The following LRGUK variants were observed in gnomAD, a reference collection of about 807,000 sequenced individuals.
LRGUK encodes the protein leucine rich repeats and guanylate kinase domain containing.
In LRGUK, 65 loss-of-function variants were observed where a neutral mutation model predicts 76.0. The ratio of observed to expected loss-of-function variants is 0.85; its 90% confidence interval spans 0.70 to 1.05. LRGUK has a LOEUF of 1.05. Among genes scored for constraint, LRGUK ranks in the 50% least tolerant of loss-of-function variants. The pLI is 0.00. For synonymous variants in LRGUK, 268 were observed against 265.6 expected (o/e 1.01, Z -0.09); for missense variants, 758 against 732.8 (o/e 1.03, Z -0.40).
In LRGUK at chr7:134,146,352, C is replaced by G. The variant is rs112171469; in HGVS notation, c.589-1886C>G. On this transcript the variant is annotated intron_variant, in intron 4 of 15. Coordinates refer to ENST00000645682, the Ensembl canonical transcript of LRGUK. Reference sequence around the variant, plus strand: ...TTGCCCTGACTGAGGTGTAGTTATACAGATGTCATACTATGGCACCAGAAT... The same window carrying G: ...TTGCCCTGACTGAGGTGTAGTTATAGAGATGTCATACTATGGCACCAGAAT... Among the ~76,000 whole-genome samples the G allele has an allele frequency of 8.6e-5, 13 of 151,958 alleles. 1 individual carries two copies. Among genetic ancestry groups the G allele is most frequent in the African/African-American group, 3.1e-4 (13 of 41,434 alleles).
At chr7:134,200,185 C>T (rs113493804) in intron 14 of LRGUK, among the ~76,000 whole-genome samples, 1,798 of 150,684 alleles carry the variant, frequency 0.012, 38 homozygotes, top group African/African-American at 0.041. Context: ...TACAGGTGCC[C>T]GCCACCACGC....
chr7:134,203,704 A>G (rs979096743), intron 15 of LRGUK, among the ~76,000 whole-genome samples: 1 of 152,158 alleles, frequency 6.6e-6, no homozygotes, highest in Non-Finnish European at 1.5e-5. Flanking sequence ...TCAGTCTACA[A>G]AGTGGGGATT....
chr7:134,184,690 G>A (rs993404201), intron 11 of LRGUK, among the ~76,000 whole-genome samples: 2 of 152,144 alleles, frequency 1.3e-5, no homozygotes, highest in Non-Finnish European at 2.9e-5. Context: ...CATTCATGCT[G>A]TTCCCCACCT....
chr7:134,164,530 A>C (rs1020119095), intron 7 of LRGUK, among the ~76,000 whole-genome samples: 2 of 152,210 alleles, frequency 1.3e-5, no homozygotes, highest in Non-Finnish European at 2.9e-5. Flanking sequence ...CAAACTTCTT[A>C]TGCTGTAAGG....
the LRGUK span, among the ~76,000 whole-genome samples, chr7:134,272,298 T>A: frequency 6.6e-6 from 1 of 152,222 alleles, no homozygotes; most frequent in Non-Finnish European, 1.5e-5. Context: ...ATTGTATTAT[T>A]CAAACCATTT....
chr7:134,252,374 A>AAATTAAATTT (rs1554477639), intron 18 of LRGUK, among the ~76,000 whole-genome samples: 2 of 150,930 alleles, frequency 1.3e-5, no homozygotes, highest in African/African-American at 4.9e-5. Flanking sequence ...AAATTAAATT[A>AAATTAAATTT]AATTAAAGGG....
chr7:134,155,626 G>A lies in LRGUK; in HGVS notation c.671-2409G>A, dbSNP rs569106098. 1.1e-4 allele frequency among the ~76,000 whole-genome samples: 17 copies of A among 152,280 alleles called. 1 individual carries two copies. In the South Asian group the frequency reaches 2.3e-3, roughly 20 times the overall value. On this transcript the variant is annotated intron_variant, in intron 5 of 15. Coordinates refer to ENST00000645682, the Ensembl canonical transcript of LRGUK. ...CTGTGCTATTGACCAAGAGGTAGAG[G>A]ACGTGCTTCCTTGGCCTCATGTAAT...
intron 3 of LRGUK, among the ~76,000 whole-genome samples, chr7:134,139,955 C>T (rs1797701501): frequency 6.6e-6 from 1 of 151,828 alleles, no homozygotes; most frequent in South Asian, 2.1e-4. Flanking sequence ...TTTTGAAAAT[C>T]TTATTTTTAA....
At chr7:134,236,849 A>C (rs1470430612) in intron 16 of LRGUK, among the ~76,000 whole-genome samples, 1 of 152,196 alleles carries the variant, frequency 6.6e-6, no homozygotes, top group Admixed American at 6.5e-5. Context: ...AGCTAGCAGA[A>C]GAAATTTCTT....
chr7:134,272,344 G>T, the LRGUK span, among the ~76,000 whole-genome samples: 1 of 151,980 alleles, frequency 6.6e-6, no homozygotes, highest in Non-Finnish European at 1.5e-5. Context: ...TATTCATATG[G>T]ATAGGTCAAA....
intron 16 of LRGUK, among the ~76,000 whole-genome samples, chr7:134,229,630 A>C (rs763019981): frequency 6.6e-6 from 1 of 152,196 alleles, no homozygotes; most frequent in Non-Finnish European, 1.5e-5. Flanking sequence ...AAAGCAATCC[A>C]GTCAAAAACA....
At chr7:134,130,427 G>A (rs1057243829) in intron 1 of LRGUK, among the ~76,000 whole-genome samples, 2 of 152,108 alleles carry the variant, frequency 1.3e-5, no homozygotes, top group African/African-American at 2.4e-5. Context: ...CCATAGAAGG[G>A]GTTGTCAAGA....
intron 18 of LRGUK, among the ~76,000 whole-genome samples, chr7:134,256,413 G>A (rs1802585454): frequency 2.7e-5 from 4 of 150,032 alleles, no homozygotes; most frequent in South Asian, 2.1e-4. Context: ...GAGCTGAGAT[G>A]GCGCCATTGC....
intron 4 of LRGUK, among the ~76,000 whole-genome samples, chr7:134,147,797 C>T (rs1253823627): frequency 2.6e-5 from 4 of 152,056 alleles, no homozygotes; most frequent in Non-Finnish European, 5.9e-5. Context: ...TGTGGTGGCT[C>T]ATGCCTGTAA....
the LRGUK span, among the ~76,000 whole-genome samples, chr7:134,275,857 A>T: frequency 1.3e-5 from 2 of 152,212 alleles, no homozygotes; most frequent in East Asian, 3.8e-4. Context: ...AGTAAATTCA[A>T]TTCAATTAGA....
intron 12 of LRGUK, among the ~76,000 whole-genome samples, chr7:134,195,193 C>T (rs1171277285): frequency 1.3e-5 from 2 of 152,176 alleles, no homozygotes; most frequent in Non-Finnish European, 2.9e-5. Flanking sequence ...ATATCTCAAG[C>T]ACTGATCTTA....
At chr7:134,133,531 G>A (rs1797396220) in intron 1 of LRGUK, among the ~76,000 whole-genome samples, 1 of 152,074 alleles carries the variant, frequency 6.6e-6, no homozygotes, top group Admixed American at 6.5e-5. Flanking sequence ...ATCCCTTATG[G>A]ACAGGCACCA....
intron 7 of LRGUK, among the ~76,000 whole-genome samples, chr7:134,165,431 C>T (rs768179641): frequency 2.0e-5 from 3 of 152,178 alleles, no homozygotes; most frequent in Non-Finnish European, 4.4e-5. Context: ...TGCTAATGGG[C>T]CTCCCTTCTG....
At chr7:134,208,950 A>C (rs1475491753) in exon 16 of LRGUK, 1 of 399,018 alleles carries the variant, frequency 2.5e-6, no homozygotes, top group East Asian at 3.6e-5. Flanking sequence ...GAGCTCCCTC[A>C]ACACCTCAGT....
Sources: allele counts gnomAD v4.1 joint callset (sites outside exome capture counted in the v4.1 genomes callset), GRCh38; gene constraint gnomAD v4.1.1; transcripts MANE v1.5; gene names NCBI Gene and HGNC (gene_info 2026-07-23, HGNC 2026-07-21).